The following CREM variants were observed in gnomAD, a reference collection of about 807,000 sequenced individuals.
CREM encodes cAMP responsive element modulator.
In CREM, 13 loss-of-function variants were observed where a neutral mutation model predicts 37.3. That is an observed-to-expected ratio of 0.35 (90% CI 0.23 to 0.55). The LOEUF (loss-of-function observed/expected upper bound fraction) is 0.55. Ranked by LOEUF, CREM falls within the 20% of genes least tolerant of loss-of-function variation. CREM has a pLI of 0.88. For missense variants in CREM, 296 were observed against 362.3 expected (o/e 0.82, Z 1.49); for synonymous variants, 124 against 120.2 (o/e 1.03, Z -0.21).
At chr10:35,144,263 G>A (rs540196164) in intron 2 of CREM, among the ~76,000 whole-genome samples, 14 of 152,264 alleles carry the variant, frequency 9.2e-5, no homozygotes, top group South Asian at 2.1e-4. Flanking sequence ...AAGGCTCAAC[G>A]CCTCATGGTA....
At chr10:35,179,054 T>C in intron 4 of CREM, 68 bp downstream of exon 4, 1 of 1,536,750 alleles carries the variant, frequency 6.5e-7, no homozygotes, top group South Asian at 1.2e-5. Context: ...ATACATCAAA[T>C]CAATTCTTCC....
At chr10:35,178,511 T>C (rs2094200497) in intron 3 of CREM, among the ~76,000 whole-genome samples, 1 of 152,206 alleles carries the variant, frequency 6.6e-6, no homozygotes, top group African/African-American at 2.4e-5. Context: ...CTCTTCTGCG[T>C]TGGCCCCTCG....
chr10:35,192,189 G>A (rs2094946416), intron 6 of CREM, among the ~76,000 whole-genome samples: 1 of 152,220 alleles, frequency 6.6e-6, no homozygotes, highest in Non-Finnish European at 1.5e-5. Context: ...GCCAGAGGCA[G>A]CAGCTCCCTT....
At chr10:35,202,013 G>T (rs2095399733) in intron 6 of CREM, among the ~76,000 whole-genome samples, 1 of 152,028 alleles carries the variant, frequency 6.6e-6, no homozygotes, top group African/African-American at 2.4e-5. Flanking sequence ...GGGGTTTCTG[G>T]GGTTAAAAAG....
intron 2 of CREM, among the ~76,000 whole-genome samples, chr10:35,145,796 A>G (rs929641736): frequency 1.3e-5 from 2 of 151,282 alleles, no homozygotes; most frequent in African/African-American, 4.8e-5. Context: ...AAAAAAAAAA[A>G]AAAGAAATTA....
At chr10:35,136,208 C>CAAAAT (rs60102613) in intron 1 of CREM, among the ~76,000 whole-genome samples, 46,637 of 151,846 alleles carry the variant, frequency 0.31, 7,393 homozygotes, top group South Asian at 0.35. Context: ...GCAAATAAAA[C>CAAAAT]ATTTCCAAGT....
chr10:35,195,600 C>T (rs1377208809), intron 6 of CREM, among the ~76,000 whole-genome samples: 1 of 152,108 alleles, frequency 6.6e-6, no homozygotes, highest in African/African-American at 2.4e-5. Context: ...CAAATTCAAT[C>T]TAGCCGCAGA....
chr10:35,184,899 T>G (rs192693381), intron 5 of CREM, among the ~76,000 whole-genome samples: 9 of 152,306 alleles, frequency 5.9e-5, no homozygotes, highest in Admixed American at 2.6e-4. Context: ...TGATCGTTAT[T>G]TAAAAGCTTG....
At chr10:35,142,749 G>A (rs1270045740) in intron 2 of CREM, among the ~76,000 whole-genome samples, 1 of 152,098 alleles carries the variant, frequency 6.6e-6, no homozygotes, top group Non-Finnish European at 1.5e-5. Flanking sequence ...GGGACTACAG[G>A]TGCCCATCAC....
At chr10:35,175,683 A>G (rs2094025010) in intron 3 of CREM, 1 of 1,614,198 alleles carries the variant, frequency 6.2e-7, no homozygotes. Flanking sequence ...TGACTGTTCC[A>G]GGACAGTAAC....
At chr10:35,208,503 C>T (rs12259954) in intron 7 of CREM, among the ~76,000 whole-genome samples, 3,996 of 152,114 alleles carry the variant, frequency 0.026, 175 homozygotes, top group African/African-American at 0.092. Flanking sequence ...TAGAGTTTCC[C>T]AGTAGTCTTG....
chr10:35,140,432 G>C (rs914251833), intron 2 of CREM, among the ~76,000 whole-genome samples: 1 of 152,052 alleles, frequency 6.6e-6, no homozygotes, highest in Non-Finnish European at 1.5e-5. Flanking sequence ...TACCTATTAT[G>C]TTCCCTGTAA....
rs1024365107 is a variant in CREM at position 35,185,367 on chromosome 10, G to C, written c.410-2833G>C. On this transcript the variant is annotated intron_variant, in intron 5 of 7. Coordinates refer to ENST00000685392, the MANE Select transcript of CREM (RefSeq NM_183011.2). ...GATCCACCAACCTCGGCCTCCCAAA[G>C]TGCTGGGATTACAGATGTGAGCCAC... Among the ~76,000 whole-genome samples, 6 of 152,182 alleles carry C rather than the reference G, an allele frequency of 3.9e-5. No individual in the cohort carries two copies. In the East Asian group the frequency reaches 9.7e-4, roughly 25 times the overall value.
chr10:35,149,031 T>C (rs555192059), intron 3 of CREM, among the ~76,000 whole-genome samples: 2 of 152,366 alleles, frequency 1.3e-5, no homozygotes, highest in African/African-American at 4.8e-5. Context: ...ATGTCTGCTG[T>C]GTCTAATTAT....
intron 3 of CREM, among the ~76,000 whole-genome samples, chr10:35,151,077 T>C (rs1040538048): frequency 2.6e-5 from 4 of 152,126 alleles, no homozygotes; most frequent in African/African-American, 9.7e-5. Context: ...CTTGAACTAA[T>C]AGAGAAAGAT....
chr10:35,142,955 C>T (rs1161290770), intron 2 of CREM, among the ~76,000 whole-genome samples: 1 of 151,984 alleles, frequency 6.6e-6, no homozygotes, highest in Non-Finnish European at 1.5e-5. Flanking sequence ...TGTTCATCTG[C>T]CTTGGTGCAG....
At chr10:35,148,324 T>C in intron 2 of CREM, 44 bp from the exon 3 acceptor site, 1 of 1,573,442 alleles carries the variant, frequency 6.4e-7, no homozygotes, top group Non-Finnish European at 8.6e-7. Flanking sequence ...TCCAAATACT[T>C]AAGATAGGGC....
intron 6 of CREM, among the ~76,000 whole-genome samples, chr10:35,190,865 T>C (rs2094883274): frequency 6.6e-6 from 1 of 152,074 alleles, no homozygotes; most frequent in Non-Finnish European, 1.5e-5. Context: ...GGTTTCACCA[T>C]GTTCGCCAGG....
intron 1 of CREM, 79 bp downstream of exon 1, chr10:35,127,272 C>CGGAGCGGAGCCGGGTGCGGT (rs1172512165): frequency 6.5e-6 from 1 of 153,382 alleles, no homozygotes; most frequent in African/African-American, 2.4e-5. Context: ...AGGCAGGAGG[C>CGGAGCGGAGCCGGGTGCGGT]GGAGCGGAGC....
Sources: gnomAD v4.1 joint callset for allele counts (sites outside exome capture counted in the v4.1 genomes callset) on GRCh38, gnomAD v4.1.1 for gene constraint, MANE v1.5 for transcripts, NCBI Gene and HGNC (gene_info 2026-07-23, HGNC 2026-07-21) for gene names.